The following GPM6B variants were observed in gnomAD, a reference collection of about 807,000 sequenced individuals.
GPM6B encodes the protein neuronal membrane glycoprotein M6-b.
Under a neutral mutation model 27.2 loss-of-function variants are expected in GPM6B, and 4 were observed. The observed-to-expected ratio is 0.15, with a 90% CI of 0.07 to 0.34. The LOEUF (loss-of-function observed/expected upper bound fraction) is 0.34. Among genes scored for constraint, GPM6B ranks in the 10% least tolerant of loss-of-function variants. GPM6B has a pLI of 1.00. For missense variants in GPM6B, 183 were observed against 261.9 expected (o/e 0.70, Z 2.08); for synonymous variants, 124 against 103.1 (o/e 1.20, Z -1.23).
In GPM6B at chrX:13,843,650, A is replaced by G. The variant is rs2049608227; in HGVS notation, c.-197-57842T>C. Among the ~76,000 whole-genome samples the G allele has an allele frequency of 4.4e-5, 5 of 112,360 alleles. No homozygotes were observed. In the South Asian group the frequency reaches 1.5e-3, roughly 33 times the overall value. Reference sequence around the variant, plus strand: ...CAGCCATGATAGTGGGTGTGAAGTGATATCTCATTGTGGTTTCAATTTGCA... The same window carrying G: ...CAGCCATGATAGTGGGTGTGAAGTGGTATCTCATTGTGGTTTCAATTTGCA... On this transcript the variant is annotated intron_variant, in intron 1 of 6. Transcript: ENST00000398361.
At chrX:13,869,520 G>A (rs1249277039) in intron 1 of GPM6B, among the ~76,000 whole-genome samples, 1 of 109,908 alleles carries the variant, frequency 9.1e-6, no homozygotes, top group African/African-American at 3.3e-5. Flanking sequence ...AAAACATGAG[G>A]GAGTTTTGAC....
intron 1 of GPM6B, among the ~76,000 whole-genome samples, chrX:13,824,914 A>G (rs1223737208): frequency 9.0e-6 from 1 of 111,708 alleles, no homozygotes; most frequent in African/African-American, 3.3e-5. Context: ...CGTGTTTTCC[A>G]TGTTTTCTCT....
At position 13,785,611 on chromosome X, in the gene GPM6B, C is replaced by G. The variant is rs201522549; in HGVS notation, c.368+11G>C. 3 of 1,205,529 alleles carry G rather than the reference C, an allele frequency of 2.5e-6. No homozygotes were observed. The highest frequency in any genetic ancestry group is 1.8e-5 in the African/African-American group (1 of 57,095). On this transcript the variant is annotated intron_variant, in intron 3 of 7. Coordinates refer to ENST00000316715, the MANE Select transcript of GPM6B (RefSeq NM_001001995.3). ...CCTTAGATGCATTTTTAAAGGGAACCGGATACTTACACCTCGCTCAGCAAG... is the reference window on the plus strand; with the variant it reads ...CCTTAGATGCATTTTTAAAGGGAACGGGATACTTACACCTCGCTCAGCAAG...
At chrX:13,871,007 C>CCA (rs749495293) in intron 1 of GPM6B, among the ~76,000 whole-genome samples, 7 of 110,576 alleles carry the variant, frequency 6.3e-5, no homozygotes, top group Non-Finnish European at 1.3e-4. Context: ...GTTGAAGCTG[C>CCA]AGTGAGCCAT....
Position 13,895,291 on chromosome X carries a change from CT to C in GPM6B, c.-198+43035del, listed in dbSNP as rs748244987. Among the ~76,000 whole-genome samples the C allele has an allele frequency of 2.3e-3, 248 of 107,785 alleles. 4 individuals carry two copies. Among genetic ancestry groups the C allele is most frequent in the Non-Finnish European group, 2.9e-3 (151 of 51,680 alleles). 93.6% of individuals were successfully genotyped at this position (107,785 alleles called of 115,157 possible). On this transcript the variant is annotated intron_variant, in intron 1 of 6. Transcript: ENST00000398361. Reference sequence around the variant, plus strand: ...TGCAGAACATAATAACGACCTGGTACTTTTTTTTTTCATTTTTAGTTGTTTT... The same window carrying C: ...TGCAGAACATAATAACGACCTGGTACTTTTTTTTTCATTTTTAGTTGTTTT...
chrX:13,833,814 C>T (rs1051532618), intron 1 of GPM6B, among the ~76,000 whole-genome samples: 48 of 112,503 alleles, frequency 4.3e-4, no homozygotes, highest in Non-Finnish European at 4.5e-4. Flanking sequence ...GGAATCAGAA[C>T]GGGCTAACGT....
intron 1 of GPM6B, among the ~76,000 whole-genome samples, chrX:13,831,433 C>T (rs146938623): frequency 8.8e-4 from 97 of 110,652 alleles, no homozygotes; most frequent in African/African-American, 2.8e-3. Flanking sequence ...TGTCCTGGCT[C>T]TAAGATACGC....
intron 1 of GPM6B, among the ~76,000 whole-genome samples, chrX:13,936,115 G>C (rs1921825445): frequency 8.9e-6 from 1 of 111,760 alleles, no homozygotes; most frequent in Admixed American, 9.5e-5. Flanking sequence ...ACATTAGATA[G>C]TAGTGATGGC....
intron 2 of GPM6B, among the ~76,000 whole-genome samples, chrX:13,786,126 T>G (rs1230209936): frequency 1.8e-5 from 2 of 112,370 alleles, no homozygotes; most frequent in Admixed American, 1.9e-4. Flanking sequence ...ATCGACTGAG[T>G]GGTGGGGGGA....
intron 1 of GPM6B, among the ~76,000 whole-genome samples, chrX:13,883,767 G>C (rs2050107253): frequency 9.1e-6 from 1 of 110,201 alleles, no homozygotes. Flanking sequence ...AGGATCGCTT[G>C]AACTCAGGAG....
chrX:13,837,725 G>C (rs772666950), intron 1 of GPM6B, among the ~76,000 whole-genome samples: 1,205 of 46,711 alleles, frequency 0.026, 96 homozygotes, highest in African/African-American at 0.08. Context: ...GGGGGGGGGG[G>C]GGGAAGCAGA....
intron 1 of GPM6B, among the ~76,000 whole-genome samples, chrX:13,915,230 G>A (rs2050416505): frequency 1.0e-5 from 1 of 100,255 alleles, no homozygotes; most frequent in Non-Finnish European, 2.0e-5. Context: ...CTGTACCACT[G>A]TACTCCAGCC....
At chrX:13,844,519 G>A (rs902261348) in intron 1 of GPM6B, among the ~76,000 whole-genome samples, 3 of 112,215 alleles carry the variant, frequency 2.7e-5, no homozygotes, top group Non-Finnish European at 5.6e-5. Flanking sequence ...ATTTAACAAT[G>A]TCATCCATTT....
At chrX:13,850,177 G>A (rs375734099) in intron 1 of GPM6B, among the ~76,000 whole-genome samples, 1 of 112,466 alleles carries the variant, frequency 8.9e-6, no homozygotes, top group East Asian at 2.8e-4. Context: ...TTTGAGTCAC[G>A]GAGGTGAATC....
rs1195239438 is a variant in GPM6B, at chrX:13,771,273, C to CT, written c.*1607dup. On this transcript the variant is annotated 3_prime_UTR_variant, in exon 8 of 8. Transcript: ENST00000316715. ...ACTGCCTCTTCTAGAACACTGGACT[C>CT]TGACAGCACCTCCACTGCTGGAAAG... 2 of 111,308 alleles carry CT rather than the reference C, an allele frequency of 1.8e-5. No homozygotes were observed. Among genetic ancestry groups the CT allele is most frequent in the Non-Finnish European group, 3.8e-5 (2 of 52,957 alleles). 9.2% of individuals were successfully genotyped at this position (111,308 alleles called of 1,213,427 possible).
chrX:13,847,194 C>T (rs147025136), intron 1 of GPM6B, among the ~76,000 whole-genome samples: 1,169 of 111,697 alleles, frequency 0.01, 4 homozygotes, highest in Middle Eastern at 0.028. Context: ...CCCTTACACA[C>T]CAACTGCTGC....
chrX:13,852,314 T>G, intron 1 of GPM6B, among the ~76,000 whole-genome samples: 1 of 111,565 alleles, frequency 9.0e-6, no homozygotes, highest in Admixed American at 9.5e-5. Context: ...GTATGTAAAA[T>G]TTTTATTTCA....
At chrX:13,880,404 G>A (rs1448047698) in intron 1 of GPM6B, among the ~76,000 whole-genome samples, 1 of 111,118 alleles carries the variant, frequency 9.0e-6, no homozygotes, top group Non-Finnish European at 1.9e-5. Flanking sequence ...GGCCGGGCGC[G>A]GTGGCTCACG....
chrX:13,791,684 C>A (rs928191394), intron 2 of GPM6B, among the ~76,000 whole-genome samples: 18 of 111,858 alleles, frequency 1.6e-4, no homozygotes, highest in African/African-American at 5.9e-4. Context: ...ATCCCTAGAA[C>A]CTTTTGTGCA....
Sources: gnomAD v4.1 joint callset for allele counts (sites outside exome capture counted in the v4.1 genomes callset) on GRCh38, gnomAD v4.1.1 for gene constraint, MANE v1.5 for transcripts, NCBI Gene and HGNC (gene_info 2026-07-23, HGNC 2026-07-21) for gene names.